The following CFAP54 variants were observed in gnomAD, a reference collection of about 807,000 sequenced individuals.
CFAP54 encodes cilia- and flagella-associated protein 54.
A neutral mutation model predicts 370.4 loss-of-function variants in CFAP54; 290 were observed. The observed-to-expected ratio is 0.78, with a 90% CI of 0.71 to 0.86. The LOEUF (loss-of-function observed/expected upper bound fraction) is 0.86. Ranked by LOEUF, CFAP54 falls within the 40% of genes least tolerant of loss-of-function variation. CFAP54 has a pLI of 0.00. For missense variants in CFAP54, 3,399 were observed against 3,528.7 expected, an observed-to-expected ratio of 0.96 and a Z score of 0.93; for synonymous variants, 1,206 against 1,236.5, an observed-to-expected ratio of 0.98 and a Z score of 0.52.
rs559660515 is a variant in CFAP54 at position 96,659,149 on chromosome 12, A to G, written c.5460+803A>G. ...TGTCTTTCAATTCAGTTTCTACACA[A>G]TGTACCTGGAGATAGCATCAGATCC... is the stretch of plus-strand genomic sequence containing the variant. On this transcript the variant is annotated intron_variant, in intron 38 of 67. Coordinates refer to ENST00000524981, the MANE Select transcript of CFAP54 (RefSeq NM_001306084.2). Among the ~76,000 whole-genome samples the G allele has an allele frequency of 2.1e-3, 327 of 152,318 alleles. 1 individual carries two copies. Among genetic ancestry groups the G allele is most frequent in the African/African-American group, 7.6e-3 (317 of 41,558 alleles).
intron 40 of CFAP54, among the ~76,000 whole-genome samples, chr12:96,681,704 G>A (rs1391144887): frequency 1.3e-5 from 2 of 152,024 alleles, no homozygotes; most frequent in African/African-American, 4.8e-5. Flanking sequence ...CCTGGTTCAA[G>A]CGATTCTCCT....
intron 2 of CFAP54, among the ~76,000 whole-genome samples, chr12:96,503,248 T>C (rs1955052395): frequency 6.8e-6 from 1 of 147,650 alleles, no homozygotes; most frequent in Non-Finnish European, 1.5e-5. Context: ...TTTCTCTCTC[T>C]CTCTTTCACT....
chr12:96,628,231 C>G (rs543563423), intron 30 of CFAP54, among the ~76,000 whole-genome samples: 1 of 152,262 alleles, frequency 6.6e-6, no homozygotes, highest in East Asian at 1.9e-4. Context: ...ATAGTTAAAA[C>G]AATGAACAAC....
At chr12:96,540,489 G>T (rs1032934026) in intron 13 of CFAP54, among the ~76,000 whole-genome samples, 5 of 152,098 alleles carry the variant, frequency 3.3e-5, no homozygotes, top group African/African-American at 1.2e-4. Flanking sequence ...CATAATAGCT[G>T]CTTCAAAGGG....
At position 96,538,485 on chromosome 12, in the gene CFAP54, T is replaced by A; in HGVS notation, c.1893T>A (p.Tyr631Ter). 6.5e-7 allele frequency: 1 copy of A among 1,536,278 alleles called. No individual in the cohort carries two copies. The highest frequency in any genetic ancestry group is 8.7e-7 in the Non-Finnish European group (1 of 1,146,872). ...IQRLNISRND[Y>*]AKFTQKISTN... ...GGCTCAATATATCCAGAAATGACTA[T>A]GCAAAATTCACCCAGAAAATCAGTA... Residue 631 changes from tyrosine (Y) to a stop codon, truncating the protein, a stop_gained, in exon 13 of 68, where the codon TAT becomes TAA. Coordinates refer to ENST00000524981, the MANE Select transcript of CFAP54 (RefSeq NM_001306084.2). LOFTEE classifies it high-confidence loss of function.
intron 34 of CFAP54, among the ~76,000 whole-genome samples, chr12:96,648,398 T>C (rs1956820622): frequency 6.6e-6 from 1 of 152,118 alleles, no homozygotes; most frequent in Admixed American, 6.5e-5. Flanking sequence ...TCAAACATAC[T>C]AATACAAGCA....
In CFAP54 at chr12:96,684,724, A is replaced by G; in HGVS notation, c.5793A>G (p.Ala1931=). The part of the protein sequence containing the change: ...LHSLGSLLIF[A]EKKRAAFKCW... ...CACTTGGAAGTCTTCTCATCTTCGC[A>G]GAAAAGAAAAGGTAGATTTTTAGAA... The change falls in exon 41 of 68, where the codon GCA becomes GCG. Residue 1931 remains alanine (A), a synonymous_variant. Transcript: ENST00000524981. 6.2e-7 allele frequency: 1 copy of G among 1,609,934 alleles called. No homozygotes were observed. Among genetic ancestry groups the G allele is most frequent in the Non-Finnish European group, 8.5e-7 (1 of 1,178,684 alleles).
chr12:96,672,062 G>A (rs1957153310), intron 39 of CFAP54, among the ~76,000 whole-genome samples: 1 of 152,164 alleles, frequency 6.6e-6, no homozygotes, highest in African/African-American at 2.4e-5. Flanking sequence ...GGAACTGGCA[G>A]GAAATGTAGA....
intron 50 of CFAP54, among the ~76,000 whole-genome samples, chr12:96,723,615 G>A (rs1957786304): frequency 6.6e-6 from 1 of 151,948 alleles, no homozygotes; most frequent in Admixed American, 6.6e-5. Context: ...AGTTGTTTAT[G>A]AGAGAATGGG....
At chr12:96,638,210 T>C (rs1453330252) in intron 32 of CFAP54, among the ~76,000 whole-genome samples, 15 of 82,366 alleles carry the variant, frequency 1.8e-4, no homozygotes, top group South Asian at 9.3e-4. Context: ...TATGCATGTG[T>C]GTGTGTGTGT....
At chr12:96,552,198 A>G (rs543242086) in intron 15 of CFAP54, among the ~76,000 whole-genome samples, 2 of 149,492 alleles carry the variant, frequency 1.3e-5, no homozygotes, top group South Asian at 4.3e-4. Context: ...GTGAGCTGAG[A>G]TCACGCCATT....
intron 38 of CFAP54, 75 bp from the exon 39 acceptor site, chr12:96,663,755 A>G: frequency 1.0e-6 from 1 of 999,634 alleles, no homozygotes; most frequent in Non-Finnish European, 1.5e-6. Flanking sequence ...AAAAAATGAG[A>G]GAAACATTTC....
At chr12:96,586,992 G>A (rs551939463) in intron 22 of CFAP54, among the ~76,000 whole-genome samples, 2 of 151,912 alleles carry the variant, frequency 1.3e-5, no homozygotes, top group South Asian at 4.2e-4. Flanking sequence ...TGAAGGAGGA[G>A]CTAACAAGAG....
At chr12:96,793,389 A>G (rs1215194935) in intron 63 of CFAP54, among the ~76,000 whole-genome samples, 1 of 151,828 alleles carries the variant, frequency 6.6e-6, no homozygotes, top group Non-Finnish European at 1.5e-5. Flanking sequence ...ATGGCTCATT[A>G]GTATTCCATG....
chr12:96,567,062 A>G (rs918514566), intron 19 of CFAP54, among the ~76,000 whole-genome samples: 1 of 152,200 alleles, frequency 6.6e-6, no homozygotes, highest in African/African-American at 2.4e-5. Flanking sequence ...AGGAGAAATC[A>G]CGTGAAGTTG....
intron 50 of CFAP54, among the ~76,000 whole-genome samples, chr12:96,725,347 T>A: frequency 6.6e-6 from 1 of 151,836 alleles, no homozygotes; most frequent in Admixed American, 6.6e-5. Flanking sequence ...CCTCTTTTAT[T>A]TCATTGAGCA....
At chr12:96,541,186 A>G (rs1358459182) in intron 14 of CFAP54, among the ~76,000 whole-genome samples, 199 bp downstream of exon 14, 1 of 152,012 alleles carries the variant, frequency 6.6e-6, no homozygotes, top group East Asian at 1.9e-4. Flanking sequence ...TCAGTGAAGG[A>G]CAAAATCCTT....
chr12:96,500,548 T>C (rs1299794545), intron 1 of CFAP54, among the ~76,000 whole-genome samples: 1 of 152,070 alleles, frequency 6.6e-6, no homozygotes, highest in Non-Finnish European at 1.5e-5. Context: ...GGGCACAGGG[T>C]ATATATGGGA....
intron 55 of CFAP54, among the ~76,000 whole-genome samples, chr12:96,746,070 G>A (rs17327035): frequency 0.24 from 36,649 of 151,972 alleles, 4,603 homozygotes; most frequent in South Asian, 0.29. Flanking sequence ...CTTTATCAAT[G>A]CTGCTGAGCC....
Sources: allele counts gnomAD v4.1 joint callset (sites outside exome capture counted in the v4.1 genomes callset), GRCh38; gene constraint gnomAD v4.1.1; transcripts MANE v1.5; gene names NCBI Gene and HGNC (gene_info 2026-07-23, HGNC 2026-07-21).